The following MAGI1 variants were observed in gnomAD, a reference collection of about 807,000 sequenced individuals.
The protein encoded by MAGI1 is membrane associated guanylate kinase, WW and PDZ domain containing 1.
MAGI1 carries 58 observed loss-of-function variants against 139.9 expected under a neutral mutation model. That is an observed-to-expected ratio of 0.41 (90% CI 0.34 to 0.52). MAGI1 has a LOEUF of 0.52. Among genes scored for constraint, MAGI1 ranks in the 20% least tolerant of loss-of-function variants. The pLI, the probability that MAGI1 is intolerant of heterozygous loss-of-function variation, is 0.12. For missense variants in MAGI1, 1,874 were observed against 1,901.6 expected, an observed-to-expected ratio of 0.99 and a Z score of 0.27; for synonymous variants, 812 against 737.9, an observed-to-expected ratio of 1.10 and a Z score of -1.63.
chr3:66,026,949 CT>C (rs549407922), intron 1 of MAGI1, among the ~76,000 whole-genome samples: 17 of 148,490 alleles, frequency 1.1e-4, no homozygotes, highest in South Asian at 6.5e-4. Context: ...TTTCTTTTTT[CT>C]TTTTTTTTTC....
At chr3:65,545,921 G>T (rs533079282) in intron 2 of MAGI1, among the ~76,000 whole-genome samples, 1 of 151,752 alleles carries the variant, frequency 6.6e-6, no homozygotes, top group East Asian at 1.9e-4. Context: ...AGGGGAACCA[G>T]GTCCTCTGAA....
intron 1 of MAGI1, among the ~76,000 whole-genome samples, chr3:65,963,603 GAGACTCAGTCTCTAAATAAATAA>G (rs2064579226): frequency 6.6e-6 from 1 of 152,086 alleles, no homozygotes; most frequent in Non-Finnish European, 1.5e-5. Flanking sequence ...GTGACAAAGC[GAGACTCAGTCTCTAAATAAATAA>G]ATAAATAAAA....
intron 2 of MAGI1, among the ~76,000 whole-genome samples, chr3:65,503,537 T>C (rs1258678131): frequency 2.0e-5 from 3 of 152,200 alleles, no homozygotes; most frequent in African/African-American, 7.2e-5. Context: ...AATGGAATAA[T>C]GCCAAGCCAT....
At chr3:65,613,075 G>A (rs190288851) in intron 2 of MAGI1, among the ~76,000 whole-genome samples, 212 of 152,260 alleles carry the variant, frequency 1.4e-3, no homozygotes, top group Admixed American at 2.6e-3. Flanking sequence ...TCTTTAAGGT[G>A]ATTGCAGGCA....
At chr3:65,428,733 A>T (rs1947253893) in intron 12 of MAGI1, among the ~76,000 whole-genome samples, 1 of 152,194 alleles carries the variant, frequency 6.6e-6, no homozygotes, top group Admixed American at 6.5e-5. Flanking sequence ...AAAAATAAAT[A>T]AAAGCATGAA....
intron 1 of MAGI1, among the ~76,000 whole-genome samples, chr3:65,851,870 T>G (rs1205908489): frequency 2.6e-5 from 4 of 152,112 alleles, no homozygotes; most frequent in Non-Finnish European, 4.4e-5. Context: ...TATAAAAAAG[T>G]TTAATCAAAG....
chr3:65,914,640 C>T (rs2061815628), intron 1 of MAGI1, among the ~76,000 whole-genome samples: 2 of 152,174 alleles, frequency 1.3e-5, no homozygotes, highest in African/African-American at 2.4e-5. Context: ...GGAAGGCCAC[C>T]ATCCTTAAGA....
intron 7 of MAGI1, among the ~76,000 whole-genome samples, chr3:65,443,545 C>T (rs1948483820): frequency 6.6e-6 from 1 of 152,148 alleles, no homozygotes; most frequent in African/African-American, 2.4e-5. Context: ...CCATGCTCTA[C>T]AGAACTTCCT....
At chr3:65,571,695 G>A (rs2108072653) in intron 2 of MAGI1, among the ~76,000 whole-genome samples, 1 of 151,656 alleles carries the variant, frequency 6.6e-6, no homozygotes, top group South Asian at 2.1e-4. Flanking sequence ...TTCTATAAAG[G>A]AGGAGCCATG....
At chr3:65,741,172 T>C (rs2035228807) in intron 1 of MAGI1, among the ~76,000 whole-genome samples, 1 of 140,918 alleles carries the variant, frequency 7.1e-6, no homozygotes, top group African/African-American at 2.6e-5. Flanking sequence ...GAGGTTGCTA[T>C]TATTGATTTT....
chr3:65,363,740 C>T (rs1941121138), intron 20 of MAGI1, 132 bp from the exon 21 acceptor site: 1 of 706,626 alleles, frequency 1.4e-6, no homozygotes. Context: ...AATCTTGATT[C>T]ATCCTCATTA....
At chr3:65,466,883 C>A (rs1386056199) in intron 5 of MAGI1, among the ~76,000 whole-genome samples, 1 of 152,180 alleles carries the variant, frequency 6.6e-6, no homozygotes. Context: ...ACCCTTGGGG[C>A]GTAGGACCAC....
intron 1 of MAGI1, chr3:65,954,605 G>A (rs902829325): frequency 1.3e-5 from 2 of 152,520 alleles, no homozygotes; most frequent in Non-Finnish European, 2.9e-5. Flanking sequence ...GAAGGAGGAG[G>A]GGCGGGGTGT....
intron 1 of MAGI1, among the ~76,000 whole-genome samples, chr3:65,714,696 T>G (rs554050481): frequency 3.9e-5 from 6 of 152,060 alleles, no homozygotes; most frequent in Non-Finnish European, 8.8e-5. Context: ...TGAGCCTCAA[T>G]TTAGCTTTCT....
chr3:65,724,589 C>T (rs956467058), intron 1 of MAGI1, among the ~76,000 whole-genome samples: 1 of 152,186 alleles, frequency 6.6e-6, no homozygotes, highest in African/African-American at 2.4e-5. Context: ...AGGTGCTCAA[C>T]ATTTGTTAAA....
At chr3:65,855,637 G>GA in intron 1 of MAGI1, among the ~76,000 whole-genome samples, 2 of 121,674 alleles carry the variant, frequency 1.6e-5, no homozygotes, top group East Asian at 2.4e-4. Context: ...GGAGGGGAAG[G>GA]GAGAAACAGA....
intron 1 of MAGI1, among the ~76,000 whole-genome samples, chr3:65,677,218 C>G (rs1003735305): frequency 1.3e-5 from 2 of 151,930 alleles, no homozygotes; most frequent in African/African-American, 4.8e-5. Context: ...TTTAACTTTT[C>G]ATTTTCTATT....
chr3:66,021,688 G>A (rs1386384212), intron 1 of MAGI1, among the ~76,000 whole-genome samples: 1 of 152,070 alleles, frequency 6.6e-6, no homozygotes, highest in African/African-American at 2.4e-5. Context: ...TCTGGGATGG[G>A]GTCTAGTAAT....
intron 1 of MAGI1, among the ~76,000 whole-genome samples, chr3:65,791,734 G>C (rs1463784787): frequency 6.6e-6 from 1 of 152,140 alleles, no homozygotes; most frequent in Non-Finnish European, 1.5e-5. Context: ...TTGTGTGTGT[G>C]TGTGTTTTTC....
Sources: gnomAD v4.1 joint callset for allele counts (sites outside exome capture counted in the v4.1 genomes callset) on GRCh38, gnomAD v4.1.1 for gene constraint, MANE v1.5 for transcripts, NCBI Gene and HGNC (gene_info 2026-07-23, HGNC 2026-07-21) for gene names.